The following MBNL1 variants were observed in gnomAD, a reference collection of about 807,000 sequenced individuals.
MBNL1 encodes the protein muscleblind-like protein 1.
Under a neutral mutation model 42.2 loss-of-function variants are expected in MBNL1, and 8 were observed. The ratio of observed to expected loss-of-function variants is 0.19; its 90% CI spans 0.11 to 0.34. The LOEUF (loss-of-function observed/expected upper bound fraction) is 0.34. Among genes scored for constraint, MBNL1 ranks in the 10% least tolerant of loss-of-function variants. MBNL1 has a pLI of 1.00. For synonymous variants in MBNL1, 169 were observed against 173.9 expected (o/e 0.97, Z 0.22); for missense variants, 309 against 495.3 (o/e 0.62, Z 3.57).
intron 3 of MBNL1, among the ~76,000 whole-genome samples, chr3:152,425,609 GA>G (rs377009317): frequency 0.081 from 10,766 of 133,246 alleles, 442 homozygotes; most frequent in Middle Eastern, 0.13. Flanking sequence ...ATCTGTCTCA[GA>G]AAAAAAAAAA....
rs927118073 is a variant in MBNL1 at position 152,376,471 on chromosome 3, T to C, written c.175-38470T>C. Among the ~76,000 whole-genome samples the C allele has an allele frequency of 8.5e-5, 13 of 152,324 alleles. 1 individual carries two copies. The highest frequency in any genetic ancestry group is 5.9e-4 in the Admixed American group (9 of 15,290). On this transcript the variant is annotated intron_variant, in intron 2 of 9. Transcript: ENST00000324210. ...AAAGAAGCTCTTGAGAGTGTAGTTA[T>C]GTGTGGTTCATCCGTAAAATAAGAA...
chr3:152,417,736 T>C (rs1379848284), intron 3 of MBNL1, among the ~76,000 whole-genome samples: 3 of 152,134 alleles, frequency 2.0e-5, no homozygotes, highest in Non-Finnish European at 4.4e-5. Context: ...CATAGTAGTT[T>C]ACCTGCTCCA....
intron 2 of MBNL1, among the ~76,000 whole-genome samples, chr3:152,411,426 A>G (rs982357418): frequency 5.9e-5 from 9 of 152,192 alleles, no homozygotes; most frequent in African/African-American, 2.2e-4. Flanking sequence ...AGGCTGAGAA[A>G]GGAGAATGGT....
intron 4 of MBNL1, among the ~76,000 whole-genome samples, chr3:152,437,643 C>T (rs1177794438): frequency 6.6e-6 from 1 of 152,082 alleles, no homozygotes; most frequent in Non-Finnish European, 1.5e-5. Context: ...ATACATATAT[C>T]TATAAGCATA....
At chr3:152,355,748 T>A (rs2095469632) in intron 2 of MBNL1, among the ~76,000 whole-genome samples, 1 of 152,224 alleles carries the variant, frequency 6.6e-6, no homozygotes, top group Admixed American at 6.5e-5. Context: ...ATTCACTTAC[T>A]GTACTACTGA....
At chr3:152,454,502 A>C (rs1055627742) in intron 6 of MBNL1, among the ~76,000 whole-genome samples, 1 of 152,236 alleles carries the variant, frequency 6.6e-6, no homozygotes, top group African/African-American at 2.4e-5. Context: ...CATAGAAAGA[A>C]CAGTAGTTCT....
At chr3:152,261,831 T>C (rs16864102) in intron 2 of MBNL1, among the ~76,000 whole-genome samples, 4,833 of 152,302 alleles carry the variant, frequency 0.032, 253 homozygotes, top group African/African-American at 0.11. Flanking sequence ...CATGACTTTT[T>C]TTCTGACTTT....
chr3:152,449,375 C>T (rs932467694), intron 6 of MBNL1: 9 of 152,150 alleles, frequency 5.9e-5, no homozygotes, highest in Non-Finnish European at 7.3e-5. Flanking sequence ...CTGCACTTGA[C>T]TAGTCTTAAA....
chr3:152,374,753 G>A (rs958139289), intron 2 of MBNL1, among the ~76,000 whole-genome samples: 1 of 152,170 alleles, frequency 6.6e-6, no homozygotes, highest in South Asian at 2.1e-4. Flanking sequence ...TGCTTGAGCT[G>A]TTTCTAACAT....
chr3:152,244,666 A>G (rs1362128866), intron 2 of MBNL1, among the ~76,000 whole-genome samples: 1 of 152,188 alleles, frequency 6.6e-6, no homozygotes, highest in Non-Finnish European at 1.5e-5. Context: ...TTGATCTCCA[A>G]ATTATTTTAC....
chr3:152,288,272 G>T (rs2053763503), intron 1 of MBNL1, among the ~76,000 whole-genome samples: 2 of 152,154 alleles, frequency 1.3e-5, no homozygotes, highest in Admixed American at 6.5e-5. Flanking sequence ...ACATGCAAAG[G>T]CATAATCATA....
chr3:152,409,810 C>A (rs982789128), intron 2 of MBNL1, among the ~76,000 whole-genome samples: 5 of 152,062 alleles, frequency 3.3e-5, no homozygotes, highest in Non-Finnish European at 7.4e-5. Flanking sequence ...TAACATGTGT[C>A]TTTAGACTCT....
chr3:152,385,154 A>C (rs1420771734), intron 2 of MBNL1, among the ~76,000 whole-genome samples: 1 of 152,086 alleles, frequency 6.6e-6, no homozygotes, highest in Non-Finnish European at 1.5e-5. Context: ...CAAATGGCTT[A>C]AGGTGCATGT....
intron 4 of MBNL1, among the ~76,000 whole-genome samples, chr3:152,433,317 C>A (rs910494786): frequency 6.6e-6 from 1 of 151,992 alleles, no homozygotes; most frequent in Non-Finnish European, 1.5e-5. Context: ...ATTATCAATC[C>A]CCTAAAAATT....
intron 2 of MBNL1, among the ~76,000 whole-genome samples, chr3:152,248,406 G>A (rs1047906983): frequency 4.6e-5 from 7 of 151,808 alleles, no homozygotes; most frequent in Admixed American, 3.3e-4. Context: ...AAATAAAAAA[G>A]TATAATGAAC....
intron 2 of MBNL1, chr3:152,302,316 T>C (rs529091379): frequency 6.6e-6 from 1 of 152,172 alleles, no homozygotes; most frequent in Admixed American, 6.5e-5. Context: ...TTACAGTGTC[T>C]AAAACTTGGT....
In MBNL1 at chr3:152,352,134, GT is replaced by G. The variant is rs567308525; in HGVS notation, c.174+51769del. On this transcript the variant is annotated intron_variant, in intron 2 of 9. Coordinates refer to ENST00000324210, the MANE Select transcript of MBNL1 (RefSeq NM_021038.5). ...TATGTAAAGCTATAAAATGTGTTAT[GT>G]TAGCCAGTTGATTTTATTCCTCCTG... 6.4e-3 allele frequency among the ~76,000 whole-genome samples: 975 copies of G among 152,194 alleles called. 9 individuals carry two copies. The highest frequency in any genetic ancestry group is 0.022 in the African/African-American group (932 of 41,532).
intron 2 of MBNL1, among the ~76,000 whole-genome samples, chr3:152,413,706 G>A (rs1169449496): frequency 1.3e-5 from 2 of 152,158 alleles, no homozygotes; most frequent in Non-Finnish European, 2.9e-5. Flanking sequence ...TTTAGAATGT[G>A]AATGATGGCT....
chr3:152,304,928 A>G (rs1233043235), intron 2 of MBNL1, among the ~76,000 whole-genome samples: 1 of 152,142 alleles, frequency 6.6e-6, no homozygotes, highest in Non-Finnish European at 1.5e-5. Context: ...TAAATTGTAA[A>G]CCATGTTTCG....
Sources: gnomAD v4.1 joint callset for allele counts (sites outside exome capture counted in the v4.1 genomes callset) on GRCh38, gnomAD v4.1.1 for gene constraint, MANE v1.5 for transcripts, NCBI Gene and HGNC (gene_info 2026-07-23, HGNC 2026-07-21) for gene names.